RSU1: variants seen among roughly 807,000 people sequenced by gnomAD.
The protein encoded by RSU1 is rsu-1.
In RSU1, 26 loss-of-function variants were observed where a neutral mutation model predicts 31.1. That is an observed-to-expected ratio of 0.84 (90% confidence interval 0.61 to 1.16). The LOEUF (loss-of-function observed/expected upper bound fraction) is 1.16. Among genes scored for constraint, RSU1 ranks in the 50% most tolerant of loss-of-function variants. The pLI is 0.00. For missense variants in RSU1, 320 were observed against 339.1 expected, an observed-to-expected ratio of 0.94 and a Z score of 0.44; for synonymous variants, 164 against 136.3, an observed-to-expected ratio of 1.20 and a Z score of -1.41.
chr10:16,703,096 G>A (rs1201929819), intron 7 of RSU1, among the ~76,000 whole-genome samples: 2 of 152,140 alleles, frequency 1.3e-5, no homozygotes, highest in Non-Finnish European at 2.9e-5. Flanking sequence ...CACCATGTGA[G>A]TCATCTCACT....
intron 4 of RSU1, among the ~76,000 whole-genome samples, chr10:16,756,746 T>G (rs371554674): frequency 1.2e-4 from 19 of 152,328 alleles, no homozygotes; most frequent in African/African-American, 4.6e-4. Flanking sequence ...GATTTTTGAC[T>G]GCATGAGTCA....
chr10:16,746,317 G>T (rs1263327928), intron 7 of RSU1, among the ~76,000 whole-genome samples: 3 of 152,220 alleles, frequency 2.0e-5, no homozygotes, highest in Non-Finnish European at 2.9e-5. Flanking sequence ...CCCATAGGCT[G>T]CTGGGATTGG....
At chr10:16,661,131 T>C (rs1361482725) in intron 8 of RSU1, among the ~76,000 whole-genome samples, 2 of 152,326 alleles carry the variant, frequency 1.3e-5, no homozygotes, top group South Asian at 2.1e-4. Context: ...TATTTTTCTA[T>C]ATGCAGTATT....
At chr10:16,657,740 C>T (rs537673177) in intron 8 of RSU1, among the ~76,000 whole-genome samples, 44 of 152,310 alleles carry the variant, frequency 2.9e-4, no homozygotes, top group South Asian at 2.3e-3. Context: ...CGCCCGTAAT[C>T]CCAGCACTTT....
chr10:16,804,357 T>A (rs532685843), intron 2 of RSU1, among the ~76,000 whole-genome samples: 6 of 152,236 alleles, frequency 3.9e-5, no homozygotes, highest in Non-Finnish European at 8.8e-5. Flanking sequence ...AACCTCATTC[T>A]TTATTGGTAG....
At chr10:16,647,987 C>T (rs1834602589) in intron 8 of RSU1, among the ~76,000 whole-genome samples, 1 of 151,970 alleles carries the variant, frequency 6.6e-6, no homozygotes, top group African/African-American at 2.4e-5. Flanking sequence ...TTTGCTCTGT[C>T]ACCCAGGCTG....
At chr10:16,660,056 G>T (rs1010437924) in intron 8 of RSU1, among the ~76,000 whole-genome samples, 2 of 152,176 alleles carry the variant, frequency 1.3e-5, no homozygotes, top group African/African-American at 4.8e-5. Context: ...AGGATATTTG[G>T]AAGATAGAGA....
intron 8 of RSU1, among the ~76,000 whole-genome samples, chr10:16,620,031 C>T (rs76021441): frequency 0.022 from 3,366 of 152,152 alleles, 118 homozygotes; most frequent in African/African-American, 0.073. Context: ...GACAGGCTAC[C>T]TATGAATTCA....
chr10:16,816,852 G>A (rs1295673191), intron 2 of RSU1, 121 bp downstream of exon 2: 1 of 700,196 alleles, frequency 1.4e-6, no homozygotes, highest in Non-Finnish European at 2.5e-6. Context: ...GACAAGTGAG[G>A]TTTACAAGCA....
At chr10:16,785,796 T>G (rs1394055433) in intron 2 of RSU1, among the ~76,000 whole-genome samples, 2 of 151,890 alleles carry the variant, frequency 1.3e-5, no homozygotes, top group African/African-American at 4.8e-5. Context: ...GATCTTCACT[T>G]TGATCGCGTA....
intron 8 of RSU1, among the ~76,000 whole-genome samples, chr10:16,635,866 C>G (rs1287774991): frequency 1.3e-5 from 2 of 152,232 alleles, no homozygotes. Context: ...ACATCCTCAA[C>G]TCCAAAGGCA....
intron 8 of RSU1, among the ~76,000 whole-genome samples, chr10:16,628,370 T>C (rs1335358283): frequency 6.6e-6 from 1 of 152,244 alleles, no homozygotes; most frequent in Admixed American, 6.5e-5. Context: ...AACATACTTA[T>C]ATGCTCACAC....
At chr10:16,797,980 G>C (rs144663377) in intron 2 of RSU1, among the ~76,000 whole-genome samples, 164 of 150,244 alleles carry the variant, frequency 1.1e-3, no homozygotes, top group African/African-American at 3.8e-3. Context: ...TCCTGCCTCA[G>C]CCTCCAGAGT....
At chr10:16,675,789 C>A (rs538374479) in intron 8 of RSU1, among the ~76,000 whole-genome samples, 1 of 152,336 alleles carries the variant, frequency 6.6e-6, no homozygotes, top group African/African-American at 2.4e-5. Context: ...ACTCAAATAG[C>A]TGGCAGACCT....
chr10:16,674,578 GACTCC>G (rs1476673879), intron 8 of RSU1, among the ~76,000 whole-genome samples: 3 of 152,062 alleles, frequency 2.0e-5, no homozygotes, highest in Non-Finnish European at 4.4e-5. Flanking sequence ...TCTTGCAGGA[GACTCC>G]ATTCTAAGCA....
chr10:16,655,071 AAAAAGAG>A (rs1338764049), intron 8 of RSU1, among the ~76,000 whole-genome samples: 39 of 129,136 alleles, frequency 3.0e-4, no homozygotes, highest in African/African-American at 9.8e-4. Flanking sequence ...AAAAAAAAAA[AAAAAGAG>A]AGAGAGAGAG....
intron 7 of RSU1, among the ~76,000 whole-genome samples, chr10:16,696,094 A>G (rs1835669323): frequency 6.6e-6 from 1 of 152,204 alleles, no homozygotes; most frequent in Admixed American, 6.5e-5. Flanking sequence ...GCAGAGAAAG[A>G]GAAGTTAGGC....
At chr10:16,772,212 G>C (rs1311496163) in intron 3 of RSU1, among the ~76,000 whole-genome samples, 3 of 152,174 alleles carry the variant, frequency 2.0e-5, no homozygotes, top group Non-Finnish European at 4.4e-5. Flanking sequence ...CGATTTTAGA[G>C]GATAAAGCCA....
chr10:16,616,030 C>A (rs1363848443), intron 8 of RSU1, among the ~76,000 whole-genome samples: 1 of 152,000 alleles, frequency 6.6e-6, no homozygotes, highest in African/African-American at 2.4e-5. Context: ...CAGACCAGAA[C>A]TGAAGGAGTC....
Sources: allele counts gnomAD v4.1 joint callset (sites outside exome capture counted in the v4.1 genomes callset), GRCh38; gene constraint gnomAD v4.1.1; transcripts MANE v1.5; gene names NCBI Gene and HGNC (gene_info 2026-07-23, HGNC 2026-07-21).